NRG1: variants seen among roughly 807,000 people sequenced by gnomAD.
NRG1 encodes neuregulin 1.
A neutral mutation model predicts 63.8 loss-of-function variants in NRG1; 18 were observed. The ratio of observed to expected loss-of-function variants is 0.28; its 90% CI spans 0.19 to 0.42. The LOEUF (loss-of-function observed/expected upper bound fraction) is 0.42. Among genes scored for constraint, NRG1 ranks in the 10% least tolerant of loss-of-function variants. The pLI is 1.00. For synonymous variants in NRG1, 302 were observed against 301.3 expected, an observed-to-expected ratio of 1.00 and a Z score of -0.02; for missense variants, 762 against 814.7, an observed-to-expected ratio of 0.94 and a Z score of 0.79.
At chr8:31,921,267 T>C (rs1469495682) in intron 1 of NRG1, among the ~76,000 whole-genome samples, 1 of 152,166 alleles carries the variant, frequency 6.6e-6, no homozygotes. Flanking sequence ...ATCAAATTTG[T>C]CTAGCTTATA....
At chr8:31,774,753 C>A (rs1471230297) in intron 1 of NRG1, among the ~76,000 whole-genome samples, 3 of 152,058 alleles carry the variant, frequency 2.0e-5, no homozygotes, top group African/African-American at 7.2e-5. Context: ...AAAACAATCC[C>A]ATTAAAAGGG....
intron 1 of NRG1, among the ~76,000 whole-genome samples, chr8:32,135,034 A>G (rs964780955): frequency 6.6e-5 from 10 of 152,202 alleles, no homozygotes; most frequent in African/African-American, 2.4e-4. Context: ...TAGGGTGTGC[A>G]GATTTCACAG....
intron 1 of NRG1, among the ~76,000 whole-genome samples, chr8:32,485,446 A>G (rs1047917560): frequency 6.6e-6 from 1 of 151,996 alleles, no homozygotes; most frequent in Non-Finnish European, 1.5e-5. Context: ...CCTCTCTCAT[A>G]TTAATAATAA....
intron 1 of NRG1, among the ~76,000 whole-genome samples, chr8:31,690,523 C>T (rs1809386265): frequency 6.6e-6 from 1 of 152,016 alleles, no homozygotes; most frequent in South Asian, 2.1e-4. Flanking sequence ...GTGCAGACGC[C>T]TTGGGCCAAG....
intron 1 of NRG1, among the ~76,000 whole-genome samples, chr8:32,291,475 G>A (rs1294739933): frequency 6.7e-6 from 1 of 150,144 alleles, no homozygotes; most frequent in Non-Finnish European, 1.5e-5. Flanking sequence ...TAAATCATGT[G>A]TGACCTCTTG....
At chr8:31,796,773 G>C (rs1360672395) in intron 1 of NRG1, among the ~76,000 whole-genome samples, 1 of 152,046 alleles carries the variant, frequency 6.6e-6, no homozygotes, top group Non-Finnish European at 1.5e-5. Context: ...TCCTTTTGTA[G>C]TTCTTTGTTC....
chr8:32,197,696 C>T (rs1185942163), intron 1 of NRG1, among the ~76,000 whole-genome samples: 1 of 152,156 alleles, frequency 6.6e-6, no homozygotes, highest in Non-Finnish European at 1.5e-5. Flanking sequence ...TTCAGTTAAA[C>T]AAACAAAAAT....
intron 1 of NRG1, among the ~76,000 whole-genome samples, chr8:31,659,243 T>C (rs896034581): frequency 6.6e-6 from 1 of 151,968 alleles, no homozygotes; most frequent in Non-Finnish European, 1.5e-5. Context: ...GCAGCATAGG[T>C]AGAAGGCACT....
rs1803621398 is a variant in NRG1 at position 31,640,351 on chromosome 8, C to A, written c.37+920C>A. On this transcript the variant is annotated intron_variant, in intron 1 of 10. Coordinates refer to the NRG1 transcript ENST00000519301. This position sits in a 1 kb window ranked among gnomAD's most constrained non-coding sequence, Gnocchi z 6.3. ...TCGCGAGCCGCCAGCCGCGGGCCCA[C>A]GGGCGCTGGGGCCGCCCGCCGAGGA... 2.5e-6 allele frequency: 3 copies of A among 1,211,728 alleles called. No individual in the cohort carries two copies. The highest frequency in any genetic ancestry group is 3.1e-6 in the Non-Finnish European group (3 of 975,956). The allele number at this position is 1,211,728 out of a possible 1,614,324, so 75.1% of individuals were successfully genotyped here.
chr8:31,837,916 A>T (rs1421244066), intron 1 of NRG1, among the ~76,000 whole-genome samples: 1 of 152,042 alleles, frequency 6.6e-6, no homozygotes, highest in African/African-American at 2.4e-5. Flanking sequence ...GTATTTCACT[A>T]TTGAAAATAC....
At chr8:32,182,392 A>G (rs2007813) in intron 1 of NRG1, among the ~76,000 whole-genome samples, 11,640 of 152,170 alleles carry the variant, frequency 0.076, 896 homozygotes, top group African/African-American at 0.2. Context: ...GATTACAGGC[A>G]TGCGCCACCA....
chr8:32,660,167 G>A (rs1192746255), intron 5 of NRG1, among the ~76,000 whole-genome samples: 4 of 152,150 alleles, frequency 2.6e-5, no homozygotes, highest in East Asian at 3.8e-4. Flanking sequence ...GCATCACCAT[G>A]ATGTTCAATG....
intron 1 of NRG1, among the ~76,000 whole-genome samples, chr8:31,873,641 G>A (rs1829680522): frequency 6.6e-6 from 1 of 152,220 alleles, no homozygotes; most frequent in African/African-American, 2.4e-5. Context: ...GAACAAGAAT[G>A]CTGACATTTG....
intron 1 of NRG1, among the ~76,000 whole-genome samples, chr8:32,428,072 T>A (rs895128181): frequency 2.6e-5 from 4 of 152,138 alleles, no homozygotes; most frequent in African/African-American, 9.7e-5. Context: ...GGACCAACAG[T>A]GTTGGAGGAG....
chr8:31,890,953 G>GA (rs1053229558), intron 1 of NRG1, among the ~76,000 whole-genome samples: 34 of 152,118 alleles, frequency 2.2e-4, no homozygotes, highest in African/African-American at 8.2e-4. Flanking sequence ...CCCAATGGCA[G>GA]AAAAAAGTAA....
At chr8:32,093,730 G>A (rs142023692) in intron 1 of NRG1, among the ~76,000 whole-genome samples, 63 of 152,306 alleles carry the variant, frequency 4.1e-4, no homozygotes, top group African/African-American at 1.4e-3. Context: ...GGCAAAAAAC[G>A]TTTGTTGGTC....
At chr8:32,077,750 T>C (rs942449012) in intron 1 of NRG1, among the ~76,000 whole-genome samples, 6 of 152,144 alleles carry the variant, frequency 3.9e-5, no homozygotes, top group African/African-American at 1.4e-4. Context: ...ATGAAGTGAA[T>C]ATGCTTAGAA....
At chr8:32,145,117 G>T (rs1258559007) in intron 1 of NRG1, among the ~76,000 whole-genome samples, 1 of 152,090 alleles carries the variant, frequency 6.6e-6, no homozygotes, top group East Asian at 1.9e-4. Flanking sequence ...AAAAACTAAG[G>T]GTTTAGATAT....
At chr8:31,684,192 G>T (rs1808626165) in intron 1 of NRG1, among the ~76,000 whole-genome samples, 1 of 152,162 alleles carries the variant, frequency 6.6e-6, no homozygotes, top group African/African-American at 2.4e-5. Context: ...GGACTGCTAT[G>T]GCTTGAATGT....
Sources: gnomAD v4.1 joint callset for allele counts (sites outside exome capture counted in the v4.1 genomes callset) on GRCh38, gnomAD v4.1.1 for gene constraint, Gnocchi (gnomAD v3.1) non-coding constraint, MANE v1.5 for transcripts, NCBI Gene and HGNC (gene_info 2026-07-23, HGNC 2026-07-21) for gene names.